The following XKR6 variants were observed in gnomAD, a reference collection of about 807,000 sequenced individuals.
XKR6 encodes the protein XK related 6, also known as XK-related protein 6.
XKR6 carries 22 observed loss-of-function variants against 56.7 expected under a neutral mutation model. The observed-to-expected ratio is 0.39, with a 90% CI of 0.28 to 0.55. The LOEUF (loss-of-function observed/expected upper bound fraction) is 0.55. Ranked by LOEUF, XKR6 falls within the 20% of genes least tolerant of loss-of-function variation. The pLI is 0.66. For synonymous variants in XKR6, 524 were observed against 387.8 expected, an observed-to-expected ratio of 1.35 and a Z score of -4.13; for missense variants, 852 against 889.0, an observed-to-expected ratio of 0.96 and a Z score of 0.53.
chr8:11,135,301 T>C (rs1302994478), intron 1 of XKR6, among the ~76,000 whole-genome samples: 1 of 152,184 alleles, frequency 6.6e-6, no homozygotes, highest in African/African-American at 2.4e-5. Flanking sequence ...AGTGCTGGGA[T>C]TACAGGCGTG....
chr8:11,051,574 C>G (rs1799549106), intron 1 of XKR6, among the ~76,000 whole-genome samples: 1 of 152,186 alleles, frequency 6.6e-6, no homozygotes, highest in Admixed American at 6.5e-5. Flanking sequence ...TCTTTGGCTC[C>G]TCTTTTCCTC....
intron 1 of XKR6, chr8:11,108,702 TC>T (rs1224233196): frequency 9.8e-6 from 2 of 203,260 alleles, no homozygotes; most frequent in East Asian, 3.2e-4. Flanking sequence ...GATCTGATGC[TC>T]CATTCCAAGG....
At chr8:11,110,952 A>G (rs1222422427) in intron 1 of XKR6, among the ~76,000 whole-genome samples, 2 of 147,648 alleles carry the variant, frequency 1.4e-5, no homozygotes, top group Non-Finnish European at 3.0e-5. Context: ...TTCTCCTGCC[A>G]CAGCCTCCCG....
At chr8:11,073,309 G>A (rs919424027) in intron 1 of XKR6, among the ~76,000 whole-genome samples, 3 of 152,188 alleles carry the variant, frequency 2.0e-5, no homozygotes, top group African/African-American at 7.2e-5. Flanking sequence ...AACACTGGCA[G>A]AGGGTCACCT....
intron 1 of XKR6, among the ~76,000 whole-genome samples, chr8:11,195,404 C>T (rs752133308): frequency 1.3e-5 from 2 of 152,118 alleles, no homozygotes; most frequent in Non-Finnish European, 2.9e-5. Flanking sequence ...TTAGCAATGC[C>T]ACCTTTACTA....
At chr8:11,127,011 A>C (rs1799836062) in intron 1 of XKR6, among the ~76,000 whole-genome samples, 1 of 152,212 alleles carries the variant, frequency 6.6e-6, no homozygotes, top group African/African-American at 2.4e-5. Context: ...ACATATATTT[A>C]ACAACATCAG....
At chr8:11,086,375 G>C (rs925417961) in intron 1 of XKR6, among the ~76,000 whole-genome samples, 2 of 152,154 alleles carry the variant, frequency 1.3e-5, no homozygotes, top group East Asian at 3.9e-4. Context: ...GGATGTGCCC[G>C]GCACACAGTG....
At chr8:10,925,008 G>C (rs1407855725) in intron 1 of XKR6, among the ~76,000 whole-genome samples, 178 bp from the exon 2 acceptor site, 1 of 152,148 alleles carries the variant, frequency 6.6e-6, no homozygotes, top group East Asian at 1.9e-4. Context: ...ATGATGCTGA[G>C]GCATGGGGGA....
At chr8:11,016,455 G>C (rs997137964) in intron 1 of XKR6, among the ~76,000 whole-genome samples, 10 of 152,194 alleles carry the variant, frequency 6.6e-5, no homozygotes, top group African/African-American at 2.4e-4. Flanking sequence ...GGGGTCTCTC[G>C]AGGCGCAGAC....
intron 1 of XKR6, among the ~76,000 whole-genome samples, chr8:11,012,546 A>G (rs1304343421): frequency 3.3e-5 from 5 of 152,052 alleles, no homozygotes; most frequent in African/African-American, 1.2e-4. Context: ...CTACATCCCT[A>G]GTCTACCCAG....
chr8:11,003,883 G>A (rs933997112), intron 1 of XKR6, among the ~76,000 whole-genome samples: 7 of 152,238 alleles, frequency 4.6e-5, no homozygotes, highest in Admixed American at 3.9e-4. Context: ...AAGAGTCCAG[G>A]TGAACCGTCC....
intron 1 of XKR6, among the ~76,000 whole-genome samples, chr8:10,946,717 G>A (rs1207910075): frequency 2.0e-5 from 3 of 152,108 alleles, no homozygotes; most frequent in Admixed American, 2.0e-4. Flanking sequence ...ACTGGGGTAG[G>A]CACAGGGGAC....
intron 1 of XKR6, chr8:11,123,750 G>A (rs911461895): frequency 9.7e-6 from 4 of 411,978 alleles, no homozygotes; most frequent in South Asian, 1.7e-5. Flanking sequence ...CCTACCCCGG[G>A]AAAAAAAAAC....
chr8:10,920,629 T>C (rs1378909609), intron 2 of XKR6, among the ~76,000 whole-genome samples: 1 of 152,230 alleles, frequency 6.6e-6, no homozygotes, highest in Non-Finnish European at 1.5e-5. Flanking sequence ...CTTAAAAAGA[T>C]TGGAATGGCA....
intron 1 of XKR6, among the ~76,000 whole-genome samples, chr8:10,952,873 G>A (rs142109812): frequency 6.6e-6 from 1 of 152,282 alleles, no homozygotes; most frequent in Non-Finnish European, 1.5e-5. Flanking sequence ...TGGCAGGCGA[G>A]GAAGCATTAC....
intron 1 of XKR6, chr8:11,108,229 C>T (rs776655990): frequency 8.8e-6 from 4 of 452,550 alleles, no homozygotes; most frequent in South Asian, 3.2e-5. Context: ...AATAACCATA[C>T]AATTGTAAAA....
intron 1 of XKR6, among the ~76,000 whole-genome samples, chr8:10,966,304 G>T (rs1802220528): frequency 6.6e-6 from 1 of 152,090 alleles, no homozygotes; most frequent in Admixed American, 6.5e-5. Flanking sequence ...GGAGCCACTG[G>T]TGTATACAGC....
intron 1 of XKR6, among the ~76,000 whole-genome samples, chr8:11,045,053 C>T (rs1799374120): frequency 7.1e-6 from 1 of 141,026 alleles, no homozygotes; most frequent in African/African-American, 2.6e-5. Context: ...CTTTGTGTTA[C>T]CATTTCCACC....
chr8:10,985,474 G>A (rs1170540376), intron 1 of XKR6, among the ~76,000 whole-genome samples: 2 of 151,764 alleles, frequency 1.3e-5, no homozygotes, highest in Non-Finnish European at 2.9e-5. Context: ...AAATCTAGGT[G>A]TGTCTAATTC....
Sources: gnomAD v4.1 joint callset for allele counts (sites outside exome capture counted in the v4.1 genomes callset) on GRCh38, gnomAD v4.1.1 for gene constraint, MANE v1.5 for transcripts, NCBI Gene and HGNC (gene_info 2026-07-23, HGNC 2026-07-21) for gene names.